The following TRPC7 variants were observed in gnomAD, a reference collection of about 807,000 sequenced individuals.
The protein encoded by TRPC7 is transient receptor potential cation channel subfamily C member 7.
Under a neutral mutation model 90.1 loss-of-function variants are expected in TRPC7, and 42 were observed. The observed-to-expected ratio is 0.47, with a 90% CI of 0.36 to 0.60. The LOEUF is 0.60. Among genes scored for constraint, TRPC7 ranks in the 20% least tolerant of loss-of-function variants. TRPC7 has a pLI of 0.00. For synonymous variants in TRPC7, 451 were observed against 436.3 expected (o/e 1.03, Z -0.42); for missense variants, 955 against 1,112.3 (o/e 0.86, Z 2.01).
intron 3 of TRPC7, among the ~76,000 whole-genome samples, chr5:136,278,494 A>T (rs963703448): frequency 2.0e-5 from 3 of 152,222 alleles, no homozygotes; most frequent in African/African-American, 7.2e-5. Flanking sequence ...AGGAGACATG[A>T]TGAACAGATA....
intron 1 of TRPC7, 130 bp from the exon 2 acceptor site, chr5:136,357,515 A>G (rs1760431426): frequency 1.0e-6 from 1 of 985,082 alleles, no homozygotes; most frequent in Non-Finnish European, 1.5e-6. Flanking sequence ...AATCTTACAA[A>G]TCATTGTCTT....
At chr5:136,240,750 A>G in intron 7 of TRPC7, among the ~76,000 whole-genome samples, 1 of 152,198 alleles carries the variant, frequency 6.6e-6, no homozygotes, top group East Asian at 1.9e-4. Context: ...CATTGGCTCT[A>G]TGATCTTGGG....
At chr5:136,360,402 T>C (rs1158044811) in intron 1 of TRPC7, among the ~76,000 whole-genome samples, 1 of 152,202 alleles carries the variant, frequency 6.6e-6, no homozygotes, top group Non-Finnish European at 1.5e-5. Context: ...CCTAAGACTT[T>C]GGACAAATAA....
At chr5:136,295,648 G>T (rs1758142397) in intron 3 of TRPC7, among the ~76,000 whole-genome samples, 1 of 152,212 alleles carries the variant, frequency 6.6e-6, no homozygotes, top group East Asian at 1.9e-4. Flanking sequence ...ATGGCCTCCA[G>T]TTCCCTCCCT....
At position 136,212,850 on chromosome 5, in the gene TRPC7, C is replaced by T. The variant is rs1308653090; in HGVS notation, c.*585G>A. On this transcript the variant is annotated 3_prime_UTR_variant, in exon 12 of 12. Transcript: ENST00000513104. Reference sequence around the variant, plus strand: ...ATCATTTGGATTTTGTTGTTGTTTTCTAAACAGTGCTACCTACAGTACAGT... The same window carrying T: ...ATCATTTGGATTTTGTTGTTGTTTTTTAAACAGTGCTACCTACAGTACAGT... Among the ~76,000 whole-genome samples, 3 of 152,192 alleles carry T rather than the reference C, an allele frequency of 2.0e-5. No homozygotes were observed. The highest frequency in any genetic ancestry group is 4.1e-4 in the South Asian group (2 of 4,830).
intron 3 of TRPC7, among the ~76,000 whole-genome samples, chr5:136,278,497 A>C (rs1158999062): frequency 6.6e-6 from 1 of 152,234 alleles, no homozygotes; most frequent in Non-Finnish European, 1.5e-5. Flanking sequence ...AGACATGATG[A>C]ACAGATAAAT....
intron 2 of TRPC7, among the ~76,000 whole-genome samples, chr5:136,341,663 A>C (rs938235813): frequency 9.2e-5 from 14 of 152,184 alleles, no homozygotes; most frequent in African/African-American, 3.4e-4. Flanking sequence ...CCTTTGATTA[A>C]AAAATTGAAA....
At chr5:136,249,845 G>A (rs929686517) in intron 6 of TRPC7, among the ~76,000 whole-genome samples, 1 of 152,180 alleles carries the variant, frequency 6.6e-6, no homozygotes, top group African/African-American at 2.4e-5. Context: ...AGGAGCCACC[G>A]TCCAGCTGGC....
At chr5:136,357,734 C>T (rs1046602541) in intron 1 of TRPC7, among the ~76,000 whole-genome samples, 5 of 151,996 alleles carry the variant, frequency 3.3e-5, no homozygotes, top group Admixed American at 6.6e-5. Context: ...GTTTTATTTC[C>T]GTTTATATAA....
chr5:136,305,131 A>G (rs969025772), intron 3 of TRPC7, among the ~76,000 whole-genome samples: 1 of 152,100 alleles, frequency 6.6e-6, no homozygotes, highest in African/African-American at 2.4e-5. Context: ...AAGTCCCACA[A>G]TTACCATTGT....
intron 2 of TRPC7, among the ~76,000 whole-genome samples, chr5:136,337,981 C>A (rs1025620705): frequency 6.6e-6 from 1 of 152,208 alleles, no homozygotes; most frequent in African/African-American, 2.4e-5. Context: ...CATGACCTCT[C>A]ACCTCCCAGG....
chr5:136,329,004 G>A (rs939802144), intron 2 of TRPC7, among the ~76,000 whole-genome samples: 3 of 152,212 alleles, frequency 2.0e-5, no homozygotes, highest in African/African-American at 7.2e-5. Flanking sequence ...AGGTCACTGC[G>A]CACCACCTTC....
intron 5 of TRPC7, among the ~76,000 whole-genome samples, chr5:136,264,448 G>T (rs779786290): frequency 6.6e-6 from 1 of 152,168 alleles, no homozygotes; most frequent in Non-Finnish European, 1.5e-5. Flanking sequence ...AAACAATGGC[G>T]TATGTACTAG....
intron 3 of TRPC7, among the ~76,000 whole-genome samples, chr5:136,305,467 A>T (rs953487334): frequency 2.6e-5 from 4 of 151,994 alleles, no homozygotes; most frequent in Non-Finnish European, 4.4e-5. Context: ...CTCAGGGATT[A>T]TTCAGGCCCC....
At chr5:136,216,975 G>A (rs531376994) in intron 10 of TRPC7, among the ~76,000 whole-genome samples, 1 of 152,224 alleles carries the variant, frequency 6.6e-6, no homozygotes, top group African/African-American at 2.4e-5. Flanking sequence ...AGCAGGCGAG[G>A]CATGAATAAA....
At chr5:136,292,055 C>A (rs1406914839) in intron 3 of TRPC7, among the ~76,000 whole-genome samples, 4 of 152,012 alleles carry the variant, frequency 2.6e-5, no homozygotes, top group East Asian at 1.9e-4. Flanking sequence ...GGGTACATAA[C>A]GAAATGAAGG....
At chr5:136,224,817 C>T (rs1487339156) in intron 10 of TRPC7, among the ~76,000 whole-genome samples, 4 of 152,222 alleles carry the variant, frequency 2.6e-5, no homozygotes, top group Non-Finnish European at 5.9e-5. Flanking sequence ...GCCCAGCTGC[C>T]CTGGACCTGC....
In TRPC7 at chr5:136,247,665, C is replaced by T. The variant is rs1213360402; in HGVS notation, c.1650G>A (p.Leu550=). The change falls in exon 7 of 12, where the codon CTG becomes CTA. Residue 550 remains leucine (L), a synonymous_variant. Transcript: ENST00000513104. This position sits in a 1 kb window ranked among gnomAD's most constrained non-coding sequence, Gnocchi z 4.2. Reference sequence around the variant, plus strand: ...GAATGTATGCAATGCGAGAGAAGCTCAGCACGACGGCTATCGCGTAGAGCC... The same window carrying T: ...GAATGTATGCAATGCGAGAGAAGCTTAGCACGACGGCTATCGCGTAGAGCC... ...SEGLYAIAVV[L]SFSRIAYILP... The T allele has an allele frequency of 1.2e-6, 2 of 1,613,972 alleles. No individual in the cohort carries two copies. The highest frequency in any genetic ancestry group is 1.3e-5 in the African/African-American group (1 of 75,026).
chr5:136,276,618 A>G (rs987500361), intron 3 of TRPC7, among the ~76,000 whole-genome samples: 1 of 152,218 alleles, frequency 6.6e-6, no homozygotes, highest in African/African-American at 2.4e-5. Context: ...TGACAATACC[A>G]TTACTTGAAA....
Sources: gnomAD v4.1 joint callset for allele counts (sites outside exome capture counted in the v4.1 genomes callset) on GRCh38, gnomAD v4.1.1 for gene constraint, Gnocchi (gnomAD v3.1) non-coding constraint, MANE v1.5 for transcripts, NCBI Gene and HGNC (gene_info 2026-07-23, HGNC 2026-07-21) for gene names.